The following STYX variants were observed in gnomAD, a reference collection of about 807,000 sequenced individuals.
STYX encodes serine/threonine/tyrosine-interacting protein.
STYX carries 20 observed loss-of-function variants against 42.7 expected under a neutral mutation model. That is an observed-to-expected ratio of 0.47 (90% CI 0.33 to 0.68). STYX has a LOEUF of 0.68. Ranked by LOEUF, STYX falls within the 30% of genes least tolerant of loss-of-function variation. The pLI is 0.02. For missense variants in STYX, 226 were observed against 268.5 expected (o/e 0.84, Z 1.11); for synonymous variants, 78 against 81.9 (o/e 0.95, Z 0.26).
chr14:52,762,395 A>G (rs935935558), intron 9 of STYX, among the ~76,000 whole-genome samples: 3 of 152,192 alleles, frequency 2.0e-5, no homozygotes, highest in Admixed American at 6.5e-5. Flanking sequence ...AACCGTTAAT[A>G]TGGTGACTTG....
At chr14:52,767,696 G>A (rs756780764) in intron 9 of STYX, among the ~76,000 whole-genome samples, 5 of 152,160 alleles carry the variant, frequency 3.3e-5, no homozygotes, top group Non-Finnish European at 7.3e-5. Context: ...CAGTGAGTAA[G>A]AAGCAGAGCT....
chr14:52,746,343 G>A, intron 2 of STYX, 83 bp from the exon 3 acceptor site: 3 of 957,492 alleles, frequency 3.1e-6, no homozygotes, highest in Non-Finnish European at 4.7e-6. Context: ...CTTTTGATTT[G>A]GCCAAATAAG....
chr14:52,744,944 G>A, intron 2 of STYX, 60 bp downstream of exon 2: 2 of 1,534,790 alleles, frequency 1.3e-6, no homozygotes, highest in South Asian at 2.4e-5. Context: ...AAGAACCTTA[G>A]TTTATAGGAT....
In STYX at chr14:52,769,000, A is replaced by C. The variant is rs1446589386; in HGVS notation, c.598+67A>C. ...TAATGAAAGGTGGAGAACTTGCTACAAGTTACACTGAACAATTTAAATTGT... is the reference window on the plus strand; with the variant it reads ...TAATGAAAGGTGGAGAACTTGCTACCAGTTACACTGAACAATTTAAATTGT... On this transcript the variant is annotated intron_variant, in intron 10 of 10. Transcript: ENST00000354586. 2.6e-6 allele frequency: 3 copies of C among 1,159,952 alleles called. No individual in the cohort carries two copies. The African/African-American group carries it at 4.7e-5, about 18-fold the overall frequency. The allele number at this position is 1,159,952 out of a possible 1,614,324, so 71.9% of individuals were successfully genotyped here. A position where few individuals can be genotyped will look rare whatever the true frequency, so the allele number is the denominator to read the frequency against.
chr14:52,732,521 G>A (rs955575836), intron 1 of STYX, among the ~76,000 whole-genome samples: 2 of 151,138 alleles, frequency 1.3e-5, no homozygotes, highest in Non-Finnish European at 3.0e-5. Flanking sequence ...GATCCGCCTG[G>A]CTTGGCCTCC....
intron 2 of STYX, among the ~76,000 whole-genome samples, chr14:52,745,806 G>T (rs1460559708): frequency 1.3e-5 from 2 of 152,016 alleles, no homozygotes; most frequent in Non-Finnish European, 2.9e-5. Context: ...AGTTCACTTT[G>T]AAAAAATAGG....
At chr14:52,737,122 G>A (rs1180000847) in intron 1 of STYX, among the ~76,000 whole-genome samples, 1 of 152,066 alleles carries the variant, frequency 6.6e-6, no homozygotes, top group Non-Finnish European at 1.5e-5. Flanking sequence ...TGTGTATATA[G>A]GATTCAGCAC....
At chr14:52,770,743 A>T (rs1882479348) in intron 10 of STYX, among the ~76,000 whole-genome samples, 1 of 152,112 alleles carries the variant, frequency 6.6e-6, no homozygotes, top group South Asian at 2.1e-4. Context: ...CTAAACATTT[A>T]TGTATTATCT....
rs761044686 is a variant in STYX, at chr14:52,757,905, A to T, written c.412A>T (p.Thr138Ser). 18 of 1,612,018 alleles carry T rather than the reference A, an allele frequency of 1.1e-5. No individual in the cohort carries two copies. The highest frequency in any genetic ancestry group is 1.4e-5 in the Non-Finnish European group (17 of 1,179,818). Residue 138 changes from threonine (T) to serine (S), a missense_variant, in exon 8 of 11, where the codon ACA (threonine) becomes TCA (serine). Thr to Ser is a moderately conservative substitution (Grantham distance 58). Transcript: ENST00000354586. ...CTTTGTTATTGCATACATTATGGAAACATTTGGAATGAAGTACAGGTAAGA... is the reference window on the plus strand; with the variant it reads ...CTTTGTTATTGCATACATTATGGAATCATTTGGAATGAAGTACAGGTAAGA... ...AAFVIAYIME[T>S]FGMKYRDAFA...
chr14:52,733,117 C>A (rs1193347172), intron 1 of STYX, among the ~76,000 whole-genome samples: 1 of 152,152 alleles, frequency 6.6e-6, no homozygotes, highest in Non-Finnish European at 1.5e-5. Flanking sequence ...AACACAGTAG[C>A]ACAAGACACA....
chr14:52,759,350 C>G (rs1158599720), intron 8 of STYX, among the ~76,000 whole-genome samples: 1 of 152,152 alleles, frequency 6.6e-6, no homozygotes, highest in Non-Finnish European at 1.5e-5. Context: ...AAAGTCCTGG[C>G]TTCAAGCAGT....
chr14:52,760,465 A>C (rs775205152), intron 9 of STYX, among the ~76,000 whole-genome samples: 1 of 152,214 alleles, frequency 6.6e-6, no homozygotes, highest in South Asian at 2.1e-4. Flanking sequence ...AAAGATGATA[A>C]GTCTATGAAT....
chr14:52,746,272 A>G (rs1257625805), intron 2 of STYX, among the ~76,000 whole-genome samples, 154 bp from the exon 3 acceptor site: 1 of 151,868 alleles, frequency 6.6e-6, no homozygotes, highest in Non-Finnish European at 1.5e-5. Flanking sequence ...CTATTTTTTA[A>G]AGAAAAAAAA....
intron 2 of STYX, 144 bp from the exon 3 acceptor site, chr14:52,746,282 A>G (rs1038363071): frequency 7.0e-6 from 4 of 575,044 alleles, no homozygotes; most frequent in Admixed American, 4.1e-5. Flanking sequence ...AAGAAAAAAA[A>G]AAAGATTAAA....
chr14:52,767,469 C>T (rs1472174062), intron 9 of STYX, among the ~76,000 whole-genome samples: 1 of 152,082 alleles, frequency 6.6e-6, no homozygotes, highest in Non-Finnish European at 1.5e-5. Context: ...TATACTCTTG[C>T]TTTTCTGTTT....
rs573545711 is a variant in STYX at position 52,774,259 on chromosome 14, T to C, written c.*3153T>C. ...ATGTCTGTATTAAGAAAATATAAGG[T>C]TTCTAATTGTCTTATTAATATGGTA... is the stretch of plus-strand genomic sequence containing the variant. On this transcript the variant is annotated 3_prime_UTR_variant, in exon 11 of 11. Transcript: ENST00000354586. 1 of 152,236 alleles carries C rather than the reference T, an allele frequency of 6.6e-6. No homozygotes were observed. Among genetic ancestry groups the C allele is most frequent in the South Asian group, 2.1e-4 (1 of 4,818 alleles). 9.4% of individuals were successfully genotyped at this position (152,236 alleles called of 1,614,324 possible).
chr14:52,755,210 C>A (rs1238762128), intron 4 of STYX, among the ~76,000 whole-genome samples: 6 of 151,312 alleles, frequency 4.0e-5, no homozygotes, highest in Non-Finnish European at 8.8e-5. Flanking sequence ...GCAACCTCTG[C>A]CTCCCGGGTT....
intron 1 of STYX, among the ~76,000 whole-genome samples, chr14:52,738,987 G>C (rs535002742): frequency 7.8e-4 from 92 of 118,444 alleles, no homozygotes; most frequent in African/African-American, 3.0e-3. Flanking sequence ...TTTTTTTTTT[G>C]TATACACGTT....
At chr14:52,752,926 G>C (rs1468932134) in intron 4 of STYX, among the ~76,000 whole-genome samples, 2 of 143,852 alleles carry the variant, frequency 1.4e-5, no homozygotes, top group Non-Finnish European at 3.0e-5. Context: ...TGTCACCCAG[G>C]CTGGAGTGCA....
Sources: gnomAD v4.1 joint callset for allele counts (sites outside exome capture counted in the v4.1 genomes callset) on GRCh38, gnomAD v4.1.1 for gene constraint, MANE v1.5 for transcripts, NCBI Gene and HGNC (gene_info 2026-07-23, HGNC 2026-07-21) for gene names.